The following DERA variants were observed in gnomAD, a reference collection of about 807,000 sequenced individuals.
DERA encodes the protein 2-deoxy-D-ribose 5-phosphate aldolase.
A neutral mutation model predicts 41.1 loss-of-function variants in DERA; 15 were observed. The observed-to-expected ratio is 0.37, with a 90% CI of 0.24 to 0.56. The LOEUF is 0.56. Ranked by LOEUF, DERA falls within the 20% of genes least tolerant of loss-of-function variation. The probability of loss-of-function intolerance (pLI) is 0.81; values close to 1 mark genes in which losing one functional copy is unlikely to be tolerated. For missense variants in DERA, 396 were observed against 403.4 expected (o/e 0.98, Z 0.16); for synonymous variants, 139 against 137.4 (o/e 1.01, Z -0.08).
chr12:15,960,661 A>AAAC (rs1555152847), intron 4 of DERA, among the ~76,000 whole-genome samples: 38 of 150,878 alleles, frequency 2.5e-4, no homozygotes, highest in Non-Finnish European at 4.0e-4. Context: ...AAAAAAAAAA[A>AAAC]AACAACGATA....
Position 15,995,230 on chromosome 12 carries a change from TGGCAAGGTGTTTCTATAGAGA to T in DERA, c.637+12807_637+12827del, listed in dbSNP as rs889121629. 2.0e-5 allele frequency among the ~76,000 whole-genome samples: 3 copies of T among 152,320 alleles called. No homozygotes were observed. Among genetic ancestry groups the T allele is most frequent in the African/African-American group, 4.8e-5 (2 of 41,578 alleles). On this transcript the variant is annotated intron_variant, in intron 6 of 8. Coordinates refer to ENST00000428559, the MANE Select transcript of DERA (RefSeq NM_015954.4). This position sits in a 1 kb window ranked among gnomAD's most constrained non-coding sequence, Gnocchi z 5.1. ...TGAGGGCAAGAAAAGGAAGACATAA[TGGCAAGGTGTTTCTATAGAGA>T]GGCAAGGTGTTTGCAGAAATTTATA...
intron 5 of DERA, among the ~76,000 whole-genome samples, chr12:15,978,806 G>A (rs1283737914): frequency 2.0e-5 from 3 of 152,092 alleles, no homozygotes; most frequent in African/African-American, 7.2e-5. Flanking sequence ...ATAATAACAG[G>A]AACACCATCA....
At chr12:16,034,196 T>C (rs561614811) in intron 7 of DERA, among the ~76,000 whole-genome samples, 5 of 152,316 alleles carry the variant, frequency 3.3e-5, no homozygotes, top group South Asian at 2.1e-4. Context: ...AGACCTGCCA[T>C]TGGGGACCCA....
At chr12:15,942,075 T>G (rs1344450783) in intron 1 of DERA, among the ~76,000 whole-genome samples, 1 of 152,242 alleles carries the variant, frequency 6.6e-6, no homozygotes, top group East Asian at 1.9e-4. Context: ...TAAAGTGGTG[T>G]CTCATTGTGG....
chr12:16,009,617 T>G lies in DERA; in HGVS notation c.638-22925T>G, dbSNP rs1227544428. On this transcript the variant is annotated intron_variant, in intron 6 of 8. Coordinates refer to ENST00000428559, the MANE Select transcript of DERA (RefSeq NM_015954.4). This position sits in a 1 kb window ranked among gnomAD's most constrained non-coding sequence, Gnocchi z 5.3. ...ATCATTGTGAATCTCATTTTCCATT[T>G]TGGTAATAAATTTAACAGCTGAATT... 6.6e-6 allele frequency among the ~76,000 whole-genome samples: 1 copy of G among 152,212 alleles called. No individual in the cohort carries two copies. Among genetic ancestry groups the G allele is most frequent in the African/African-American group, 2.4e-5 (1 of 41,462 alleles).
rs1948665202 is a variant in DERA at position 15,972,070 on chromosome 12, C to G, written c.508+9123C>G. The G allele has an allele frequency of 6.1e-6, 1 of 163,844 alleles. No homozygotes were observed. The highest frequency in any genetic ancestry group is 1.3e-5 in the Non-Finnish European group (1 of 75,174). The allele number at this position is 163,844 out of a possible 1,614,324, so 10.1% of individuals were successfully genotyped here. A position where few individuals can be genotyped will look rare whatever the true frequency, so the allele number is the denominator to read the frequency against. ...AGCAGGACTTTTTCACAATTGGCCT[C>G]CACATCTGCCACGAATGATTTCTCC... On this transcript the variant is annotated intron_variant, in intron 5 of 8. Coordinates refer to ENST00000428559, the MANE Select transcript of DERA (RefSeq NM_015954.4). The surrounding 1 kb of genome is among the most constrained non-coding windows in gnomAD (Gnocchi z 4.4).
At position 15,959,999 on chromosome 12, in the gene DERA, T is replaced by G. The variant is rs1194898662; in HGVS notation, c.373+75T>G. On this transcript the variant is annotated intron_variant, in intron 4 of 8. Transcript: ENST00000428559. The surrounding 1 kb of genome is among the most constrained non-coding windows in gnomAD (Gnocchi z 4.5). ...TCTTCATACAATGGGGTATTATATG[T>G]AGGTTTGTACTATGATTTAAATTAG... is the stretch of plus-strand genomic sequence containing the variant. The G allele has an allele frequency of 1.8e-6, 2 of 1,106,032 alleles. No individual in the cohort carries two copies. Among genetic ancestry groups the G allele is most frequent in the Non-Finnish European group, 2.6e-6 (2 of 757,708 alleles). 68.5% of individuals were successfully genotyped at this position (1,106,032 alleles called of 1,614,324 possible).
Position 16,004,364 on chromosome 12 carries a change from A to AT in DERA, c.637+21928_637+21929insT, listed in dbSNP as rs200856160. On this transcript the variant is annotated intron_variant, in intron 6 of 8. Transcript: ENST00000428559. The surrounding 1 kb of genome is among the most constrained non-coding windows in gnomAD (Gnocchi z 4.2). ...AACCACTGCAGAAAAGAAAAGAAAAACCCAACTCCTCCTTAACAATTTGTT... is the reference window on the plus strand; with the variant it reads ...AACCACTGCAGAAAAGAAAAGAAAAATCCCAACTCCTCCTTAACAATTTGTT... Among the ~76,000 whole-genome samples, 12,230 of 152,034 alleles carry AT rather than the reference A, an allele frequency of 0.08. 1,469 individuals are homozygous for AT. The highest frequency in any genetic ancestry group is 0.26 in the African/African-American group (10,588 of 41,400).
In DERA at chr12:16,017,261, A is replaced by G. The variant is rs1185063494; in HGVS notation, c.638-15281A>G. 6.6e-6 allele frequency among the ~76,000 whole-genome samples: 1 copy of G among 152,194 alleles called. No homozygotes were observed. The highest frequency in any genetic ancestry group is 2.4e-5 in the African/African-American group (1 of 41,452). On this transcript the variant is annotated intron_variant, in intron 6 of 8. Coordinates refer to ENST00000428559, the MANE Select transcript of DERA (RefSeq NM_015954.4). The surrounding 1 kb of genome is among the most constrained non-coding windows in gnomAD (Gnocchi z 5.5). The stretch of plus-strand genomic sequence containing the variant: ...TTGTGATTTCTTTCTGACTGCCATT[A>G]TGCTTAAACAAGCATCATTGCTTAG...
chr12:15,944,870 ATTTAAGTC>A (rs1255619862), intron 1 of DERA, among the ~76,000 whole-genome samples: 2 of 152,170 alleles, frequency 1.3e-5, no homozygotes, highest in African/African-American at 4.8e-5. Flanking sequence ...TAGGTCTAAC[ATTTAAGTC>A]TTTAATCCAT....
In DERA at chr12:15,954,034, T is replaced by A. The variant is rs78675023; in HGVS notation, c.32-2902T>A. ...AAATCCTATTACATTCTCCAGTAGA[T>A]GGTTTGCAGGGACCTCTGGCAAGAG... On this transcript the variant is annotated intron_variant, in intron 1 of 8. Transcript: ENST00000428559. This position sits in a 1 kb window ranked among gnomAD's most constrained non-coding sequence, Gnocchi z 4.0. Among the ~76,000 whole-genome samples the A allele has an allele frequency of 6.6e-6, 1 of 152,200 alleles. No homozygotes were observed. Among genetic ancestry groups the A allele is most frequent in the Non-Finnish European group, 1.5e-5 (1 of 68,036 alleles).
At chr12:15,945,069 A>G (rs1056770300) in intron 1 of DERA, among the ~76,000 whole-genome samples, 4 of 152,058 alleles carry the variant, frequency 2.6e-5, no homozygotes, top group African/African-American at 4.8e-5. Context: ...TGAGGGCTCA[A>G]TTCTGTTCCA....
chr12:16,029,544 CAGTT>C (rs1565619104), intron 6 of DERA, among the ~76,000 whole-genome samples: 1 of 152,046 alleles, frequency 6.6e-6, no homozygotes, highest in Non-Finnish European at 1.5e-5. Flanking sequence ...CTTCATTAGT[CAGTT>C]AAAGGTGGAA....
chr12:16,026,725 T>C lies in DERA; in HGVS notation c.638-5817T>C, dbSNP rs1949055827. On this transcript the variant is annotated intron_variant, in intron 6 of 8. Transcript: ENST00000428559. The surrounding 1 kb of genome is among the most constrained non-coding windows in gnomAD (Gnocchi z 4.4). ...TCTAGATGGCTTCATTGGTGAATTC[T>C]GCCAAACATTTAAGGAAGATATAAT... 6.6e-6 allele frequency among the ~76,000 whole-genome samples: 1 copy of C among 152,006 alleles called. No homozygotes were observed. The highest frequency in any genetic ancestry group is 2.4e-5 in the African/African-American group (1 of 41,432).
In DERA at chr12:16,009,001, C is replaced by G. The variant is rs1948931071; in HGVS notation, c.638-23541C>G. ...GAGTTAGAAAAACATGGATTCATGA[C>G]ACTTACAAGCTGTTGTCTTAATGTG... is the stretch of plus-strand genomic sequence containing the variant. On this transcript the variant is annotated intron_variant, in intron 6 of 8. Transcript: ENST00000428559. This position sits in a 1 kb window ranked among gnomAD's most constrained non-coding sequence, Gnocchi z 5.3. 6.6e-6 allele frequency among the ~76,000 whole-genome samples: 1 copy of G among 152,214 alleles called. No homozygotes were observed. Among genetic ancestry groups the G allele is most frequent in the Non-Finnish European group, 1.5e-5 (1 of 68,034 alleles).
chr12:16,023,522 G>C lies in DERA; in HGVS notation c.638-9020G>C, dbSNP rs542375502. Among the ~76,000 whole-genome samples, 6 of 132,430 alleles carry C rather than the reference G, an allele frequency of 4.5e-5. No individual in the cohort carries two copies. In the South Asian group the frequency reaches 9.6e-4, roughly 21 times the overall value. 86.9% of individuals were successfully genotyped at this position (132,430 alleles called of 152,430 possible). Reference sequence around the variant, plus strand: ...AGACGGAGTCTCGCTCTGTCACCCAGGCTGGAGTGCAGTGGCGGGATCTCG... The same window carrying C: ...AGACGGAGTCTCGCTCTGTCACCCACGCTGGAGTGCAGTGGCGGGATCTCG... On this transcript the variant is annotated intron_variant, in intron 6 of 8. Transcript: ENST00000428559.
chr12:15,962,789 C>CTT, intron 4 of DERA, 24 bp from the exon 5 acceptor site: 1 of 1,515,192 alleles, frequency 6.6e-7, no homozygotes, highest in South Asian at 1.3e-5. Flanking sequence ...CCTCTTTCTT[C>CTT]ATTTCCTTTC....
rs191513698 is a variant in DERA at position 15,911,729 on chromosome 12, C to T, written c.31+315C>T. 4.4e-4 allele frequency: 279 copies of T among 631,840 alleles called. No homozygotes were observed. The highest frequency in any genetic ancestry group is 1.3e-3 in the Admixed American group (64 of 47,732). 39.1% of individuals were successfully genotyped at this position (631,840 alleles called of 1,614,324 possible). On this transcript the variant is annotated intron_variant, in intron 1 of 8. Coordinates refer to ENST00000428559, the MANE Select transcript of DERA (RefSeq NM_015954.4). This position sits in a 1 kb window ranked among gnomAD's most constrained non-coding sequence, Gnocchi z 4.5. ...AAACCCAACAACCCAAAAAACAAAACCCAAAACAAACAACCCCCAAGCAGG... is the reference window on the plus strand; with the variant it reads ...AAACCCAACAACCCAAAAAACAAAATCCAAAACAAACAACCCCCAAGCAGG...
rs1948521018 is a variant in DERA at position 15,954,285 on chromosome 12, C to T, written c.32-2651C>T. Among the ~76,000 whole-genome samples, 1 of 152,072 alleles carries T rather than the reference C, an allele frequency of 6.6e-6. No homozygotes were observed. The highest frequency in any genetic ancestry group is 6.5e-5 in the Admixed American group (1 of 15,280). On this transcript the variant is annotated intron_variant, in intron 1 of 8. Coordinates refer to ENST00000428559, the MANE Select transcript of DERA (RefSeq NM_015954.4). This position sits in a 1 kb window ranked among gnomAD's most constrained non-coding sequence, Gnocchi z 4.0. ...CACTCGACTTATTTATCGTATGCCA[C>T]CCGTGCGTCAGGTCCTTCGCTTGGA...
Sources: gnomAD v4.1 joint callset for allele counts (sites outside exome capture counted in the v4.1 genomes callset) on GRCh38, gnomAD v4.1.1 for gene constraint, Gnocchi (gnomAD v3.1) non-coding constraint, MANE v1.5 for transcripts, NCBI Gene and HGNC (gene_info 2026-07-23, HGNC 2026-07-21) for gene names.